Variants in GAS7 observed in about 807,000 individuals in gnomAD.
GAS7 encodes the protein growth arrest-specific protein 7.
GAS7 carries 28 observed loss-of-function variants against 71.1 expected under a neutral mutation model. The observed-to-expected ratio is 0.39, with a 90% CI of 0.29 to 0.54. The LOEUF (loss-of-function observed/expected upper bound fraction) is 0.54. Ranked by LOEUF, GAS7 falls within the 20% of genes least tolerant of loss-of-function variation. GAS7 has a pLI of 0.62. For missense variants in GAS7, 436 were observed against 627.8 expected, an observed-to-expected ratio of 0.69 and a Z score of 3.27; for synonymous variants, 258 against 245.8, an observed-to-expected ratio of 1.05 and a Z score of -0.46.
At chr17:10,173,767 CA>C (rs1367741809) in intron 1 of GAS7, among the ~76,000 whole-genome samples, 18 of 127,574 alleles carry the variant, frequency 1.4e-4, no homozygotes, top group East Asian at 9.9e-4. Flanking sequence ...GACTCCGTCT[CA>C]AAAAAAAAAG....
intron 6 of GAS7, among the ~76,000 whole-genome samples, chr17:9,945,590 A>T (rs1358753459): frequency 6.6e-6 from 1 of 151,958 alleles, no homozygotes; most frequent in Non-Finnish European, 1.5e-5. Context: ...GGCAACAGGG[A>T]TCTTTGTATA....
At chr17:10,140,953 G>A (rs1421116477) in intron 1 of GAS7, among the ~76,000 whole-genome samples, 1 of 152,232 alleles carries the variant, frequency 6.6e-6, no homozygotes, top group Non-Finnish European at 1.5e-5. Flanking sequence ...GCAGGGAGTG[G>A]GACACAGAGG....
chr17:9,997,324 T>C (rs746068103), intron 2 of GAS7, among the ~76,000 whole-genome samples: 3 of 152,188 alleles, frequency 2.0e-5, no homozygotes, highest in African/African-American at 4.8e-5. Context: ...AAAGACCTTT[T>C]AAAGTGTGGC....
At position 10,017,323 on chromosome 17, in the gene GAS7, CTTT is replaced by C. The variant is rs1209394276; in HGVS notation, c.304+2451_304+2453del. On this transcript the variant is annotated intron_variant, in intron 2 of 13. Transcript: ENST00000432992. ...ACTTGCCAACGAAAATCATCTTCCA[CTTT>C]TTTTTTTTTTTTTCCTTGAGACAGA... Among the ~76,000 whole-genome samples, 110 of 142,050 alleles carry C rather than the reference CTTT, an allele frequency of 7.7e-4. 1 individual carries two copies. Among genetic ancestry groups the C allele is most frequent in the African/African-American group, 2.6e-3 (101 of 39,050 alleles). The allele number at this position is 142,050 out of a possible 152,430, so 93.2% of individuals were successfully genotyped here. A position where few individuals can be genotyped will look rare whatever the true frequency, so the allele number is the denominator to read the frequency against.
intron 1 of GAS7, among the ~76,000 whole-genome samples, chr17:10,085,466 G>A (rs1158084201): frequency 3.3e-5 from 5 of 152,144 alleles, no homozygotes; most frequent in Admixed American, 2.6e-4. Context: ...GGCGGATCAC[G>A]AGGTCAGGAG....
At chr17:10,088,560 T>C (rs1055764129) in intron 1 of GAS7, among the ~76,000 whole-genome samples, 21 of 152,154 alleles carry the variant, frequency 1.4e-4, no homozygotes, top group Non-Finnish European at 2.5e-4. Flanking sequence ...CAGCACTAAT[T>C]GCCAAGCATC....
At chr17:9,998,020 A>T (rs2071115713) in intron 2 of GAS7, among the ~76,000 whole-genome samples, 1 of 152,176 alleles carries the variant, frequency 6.6e-6, no homozygotes, top group Admixed American at 6.5e-5. Context: ...CAGTACATAG[A>T]CACGATTGAT....
rs2067999810 is a variant in GAS7, at chr17:9,926,377, C to T, written c.1014+264G>A. ...GTTTAACTGGTCGCCAACAGCCACT[C>T]GACTGCCCACTGCAGCTGCAGCCTC... On this transcript the variant is annotated intron_variant, in intron 10 of 13. Coordinates refer to ENST00000432992, the MANE Select transcript of GAS7 (RefSeq NM_201433.2). This position sits in a 1 kb window ranked among gnomAD's most constrained non-coding sequence, Gnocchi z 5.0. Among the ~76,000 whole-genome samples, 1 of 152,168 alleles carries T rather than the reference C, an allele frequency of 6.6e-6. No homozygotes were observed.
chr17:9,940,089 C>A (rs1003159254), intron 8 of GAS7, 37 bp downstream of exon 8: 6 of 1,127,968 alleles, frequency 5.3e-6, no homozygotes, highest in Non-Finnish European at 6.8e-6. Flanking sequence ...AGTGACCCCC[C>A]ATCCTCCCCA....
chr17:10,134,764 G>A (rs892797345), intron 1 of GAS7, among the ~76,000 whole-genome samples: 43 of 152,140 alleles, frequency 2.8e-4, no homozygotes, highest in Middle Eastern at 3.4e-3. Flanking sequence ...TGTGACCGCC[G>A]CTGCAGAGCA....
chr17:10,143,624 G>A (rs1353447699), intron 1 of GAS7, among the ~76,000 whole-genome samples: 1 of 152,088 alleles, frequency 6.6e-6, no homozygotes, highest in African/African-American at 2.4e-5. Flanking sequence ...AACATGCCTG[G>A]TGTCCTTATA....
chr17:9,998,982 C>T lies in GAS7; in HGVS notation c.305-17098G>A, dbSNP rs138360133. ...TTAGACTGACATCTGGAAAATTCTTCGGTGACCATGTTGAACTGTAGCTTT... is the reference window on the plus strand; with the variant it reads ...TTAGACTGACATCTGGAAAATTCTTTGGTGACCATGTTGAACTGTAGCTTT... On this transcript the variant is annotated intron_variant, in intron 2 of 13. Transcript: ENST00000432992. Among the ~76,000 whole-genome samples the T allele has an allele frequency of 1.7e-3, 259 of 152,330 alleles. 1 individual carries two copies. The highest frequency in any genetic ancestry group is 6.0e-3 in the African/African-American group (251 of 41,568).
At chr17:10,153,685 T>C (rs1033801345) in intron 1 of GAS7, among the ~76,000 whole-genome samples, 1 of 152,218 alleles carries the variant, frequency 6.6e-6, no homozygotes, top group Admixed American at 6.5e-5. Flanking sequence ...ACTTTTCCTA[T>C]TTTATGAAAT....
intron 1 of GAS7, among the ~76,000 whole-genome samples, chr17:10,020,525 A>G (rs1165097969): frequency 1.3e-5 from 2 of 152,164 alleles, no homozygotes; most frequent in African/African-American, 4.8e-5. Context: ...TCTTTTAACC[A>G]TGTATAGAAT....
chr17:9,956,722 C>T (rs2152110187), intron 5 of GAS7, among the ~76,000 whole-genome samples: 1 of 152,328 alleles, frequency 6.6e-6, no homozygotes, highest in Middle Eastern at 3.4e-3. Context: ...TCCATTCTTT[C>T]TCTGGATCCA....
At chr17:10,142,843 A>G (rs1241076220) in intron 1 of GAS7, among the ~76,000 whole-genome samples, 1 of 152,188 alleles carries the variant, frequency 6.6e-6, no homozygotes, top group African/African-American at 2.4e-5. Flanking sequence ...GGGTTCAGAC[A>G]TCAGTAACAG....
chr17:10,140,780 G>T (rs987415130), intron 1 of GAS7, among the ~76,000 whole-genome samples: 7 of 152,214 alleles, frequency 4.6e-5, no homozygotes, highest in African/African-American at 1.7e-4. Flanking sequence ...GAATGCTGAA[G>T]GCTGGGGTAG....
rs1451121820 is a variant in GAS7 at position 9,959,365 on chromosome 17, G to T, written c.472-110C>A. 1.3e-6 allele frequency: 2 copies of T among 1,558,498 alleles called. No homozygotes were observed. Among genetic ancestry groups the T allele is most frequent in the African/African-American group, 1.4e-5 (1 of 73,982 alleles). The stretch of plus-strand genomic sequence containing the variant: ...GGCGCTGGGGAATCAGGGATGCTCA[G>T]TCTGAATCCTAAGTCACCATATTCT... On this transcript the variant is annotated intron_variant, in intron 4 of 13. Transcript: ENST00000432992. The surrounding 1 kb of genome is among the most constrained non-coding windows in gnomAD (Gnocchi z 5.0).
intron 1 of GAS7, among the ~76,000 whole-genome samples, chr17:10,111,801 A>T (rs1290508744): frequency 6.6e-6 from 1 of 152,194 alleles, no homozygotes; most frequent in Non-Finnish European, 1.5e-5. Flanking sequence ...CGGGAGTTCC[A>T]AAATTGGACC....
Sources: gnomAD v4.1 joint callset for allele counts (sites outside exome capture counted in the v4.1 genomes callset) on GRCh38, gnomAD v4.1.1 for gene constraint, Gnocchi (gnomAD v3.1) non-coding constraint, MANE v1.5 for transcripts, NCBI Gene and HGNC (gene_info 2026-07-23, HGNC 2026-07-21) for gene names.